Variants in CADPS2 observed in about 807,000 individuals in gnomAD.
CADPS2 encodes calcium dependent secretion activator 2, also known as calcium-dependent secretion activator 2.
Under a neutral mutation model 172.5 loss-of-function variants are expected in CADPS2, and 93 were observed. The observed-to-expected ratio is 0.54, with a 90% CI of 0.46 to 0.64. CADPS2 has a LOEUF of 0.64. Ranked by LOEUF, CADPS2 falls within the 30% of genes least tolerant of loss-of-function variation. The pLI is 0.00. For synonymous variants in CADPS2, 546 were observed against 555.2 expected, an observed-to-expected ratio of 0.98 and a Z score of 0.23; for missense variants, 1,420 against 1,565.9, an observed-to-expected ratio of 0.91 and a Z score of 1.57.
At chr7:122,734,355 G>GAAAAAAAAAAAAAA (rs2091941636) in intron 2 of CADPS2, among the ~76,000 whole-genome samples, 1 of 5,140 alleles carries the variant, frequency 1.9e-4, no homozygotes, top group East Asian at 7.9e-3. Context: ...GCCAGAAATA[G>GAAAAAAAAAAAAAA]TAAAAAAAAA....
At chr7:122,580,693 A>C (rs1371438757) in intron 7 of CADPS2, among the ~76,000 whole-genome samples, 1 of 152,164 alleles carries the variant, frequency 6.6e-6, no homozygotes, top group Non-Finnish European at 1.5e-5. Flanking sequence ...AATAATGTTA[A>C]AAGGTGTGAG....
chr7:122,691,672 A>T (rs546667359), intron 2 of CADPS2, among the ~76,000 whole-genome samples: 84 of 152,324 alleles, frequency 5.5e-4, no homozygotes, highest in African/African-American at 1.8e-3. Context: ...TCACCCTCCC[A>T]TGAAGGCAGA....
intron 20 of CADPS2, among the ~76,000 whole-genome samples, chr7:122,400,313 T>TA (rs2045785786): frequency 6.6e-6 from 1 of 151,904 alleles, no homozygotes; most frequent in South Asian, 2.1e-4. Flanking sequence ...GGTGCATGCC[T>TA]GTAATCCCAG....
chr7:122,585,367 G>A (rs948628697), intron 6 of CADPS2: 3 of 144,894 alleles, frequency 2.1e-5, no homozygotes, highest in African/African-American at 5.1e-5. Context: ...TCTTCTTTGG[G>A]AAATAAAAGT....
intron 7 of CADPS2, among the ~76,000 whole-genome samples, chr7:122,570,098 C>T (rs1490689465): frequency 6.7e-6 from 1 of 149,592 alleles, no homozygotes; most frequent in East Asian, 1.9e-4. Context: ...AACAGGCAAC[C>T]TACAGAATGG....
intron 6 of CADPS2, among the ~76,000 whole-genome samples, chr7:122,583,495 T>C (rs2069136013): frequency 1.3e-5 from 2 of 151,886 alleles, no homozygotes; most frequent in Admixed American, 6.6e-5. Context: ...TTAAGTGTGA[T>C]AACTGCTCTA....
Position 122,885,984 on chromosome 7 carries a change from G to C in CADPS2, c.339+15C>G, listed in dbSNP as rs572187690. ...GGAGAAGTGGTGGTAGGAGGCGCCC[G>C]GTCCCGCAACTCACCTTCTGCTGCC... On this transcript the variant is annotated intron_variant, in intron 1 of 29. Transcript: ENST00000449022. 1.3e-6 allele frequency: 2 copies of C among 1,595,782 alleles called. No individual in the cohort carries two copies. Among genetic ancestry groups the C allele is most frequent in the East Asian group, 4.5e-5 (2 of 44,042 alleles).
At chr7:122,471,338 C>G in intron 14 of CADPS2, 37 bp downstream of exon 14, 8 of 1,555,888 alleles carry the variant, frequency 5.1e-6, no homozygotes, top group Non-Finnish European at 7.0e-6. Flanking sequence ...CATAGTCAAC[C>G]CCATACATTT....
chr7:122,575,727 G>A (rs182039721), intron 7 of CADPS2, among the ~76,000 whole-genome samples: 1 of 152,218 alleles, frequency 6.6e-6, no homozygotes, highest in African/African-American at 2.4e-5. Context: ...ATGAGCTACT[G>A]CACCTGGACA....
chr7:122,367,738 T>G (rs2041155310), intron 25 of CADPS2, among the ~76,000 whole-genome samples: 2 of 61,540 alleles, frequency 3.2e-5, no homozygotes, highest in Non-Finnish European at 3.4e-5. Context: ...TTTTTTTTTT[T>G]GCTTAAAACA....
intron 12 of CADPS2, among the ~76,000 whole-genome samples, chr7:122,476,156 A>AT (rs2056596150): frequency 6.6e-6 from 1 of 152,066 alleles, no homozygotes; most frequent in Admixed American, 6.5e-5. Flanking sequence ...TCATTTTTCC[A>AT]TTTATCTCAG....
chr7:122,438,197 T>C (rs2050893851), intron 17 of CADPS2, 144 bp downstream of exon 17: 1 of 1,004,422 alleles, frequency 1.0e-6, no homozygotes, highest in East Asian at 2.6e-5. Context: ...AGCTCTTCAG[T>C]TCACCAGCTG....
chr7:122,354,719 T>A (rs1357079277), intron 27 of CADPS2, among the ~76,000 whole-genome samples: 1 of 152,174 alleles, frequency 6.6e-6, no homozygotes, highest in Non-Finnish European at 1.5e-5. Flanking sequence ...TCTAAGTTAC[T>A]ATTGAACAGG....
chr7:122,851,295 C>G (rs1190379261), intron 1 of CADPS2, among the ~76,000 whole-genome samples: 1 of 152,084 alleles, frequency 6.6e-6, no homozygotes, highest in African/African-American at 2.4e-5. Context: ...ACTGAGGAGT[C>G]CTTGAGCTTA....
intron 1 of CADPS2, among the ~76,000 whole-genome samples, chr7:122,761,519 GTC>G (rs567174244): frequency 6.4e-4 from 97 of 152,154 alleles, no homozygotes; most frequent in Non-Finnish European, 1.0e-3. Flanking sequence ...AGTATGAAAA[GTC>G]TCTAACACAA....
At chr7:122,640,670 G>A (rs1373184082) in intron 3 of CADPS2, among the ~76,000 whole-genome samples, 1 of 152,012 alleles carries the variant, frequency 6.6e-6, no homozygotes, top group African/African-American at 2.4e-5. Flanking sequence ...GGTGGCTCAC[G>A]CCTCTAATCC....
chr7:122,711,018 A>C (rs2088622514), intron 2 of CADPS2, among the ~76,000 whole-genome samples: 1 of 152,138 alleles, frequency 6.6e-6, no homozygotes, highest in Admixed American at 6.6e-5. Context: ...GAGCTTTTAT[A>C]ATCTATGCTT....
chr7:122,632,912 A>G (rs757934651), intron 3 of CADPS2, among the ~76,000 whole-genome samples: 2 of 152,162 alleles, frequency 1.3e-5, no homozygotes, highest in Non-Finnish European at 2.9e-5. Flanking sequence ...TCTTCTGCAT[A>G]TGGCTAGCCA....
At chr7:122,327,546 A>G (rs2034116998) in intron 28 of CADPS2, among the ~76,000 whole-genome samples, 1 of 152,102 alleles carries the variant, frequency 6.6e-6, no homozygotes, top group Non-Finnish European at 1.5e-5. Context: ...AAGTTGTATA[A>G]ATTTGAGGGA....
Sources: gnomAD v4.1 joint callset for allele counts (sites outside exome capture counted in the v4.1 genomes callset) on GRCh38, gnomAD v4.1.1 for gene constraint, MANE v1.5 for transcripts, NCBI Gene and HGNC (gene_info 2026-07-23, HGNC 2026-07-21) for gene names.